HTT: variants seen among roughly 807,000 people sequenced by gnomAD.
HTT encodes the protein huntington disease protein.
HTT carries 104 observed loss-of-function variants against 362.3 expected under a neutral mutation model. That is an observed-to-expected ratio of 0.29 (90% CI 0.24 to 0.34). The LOEUF (loss-of-function observed/expected upper bound fraction) is 0.34, where lower values mean the gene tolerates loss of function less well. Among genes scored for constraint, HTT ranks in the 10% least tolerant of loss-of-function variants. The probability of loss-of-function intolerance (pLI) is 1.00; values close to 1 mark genes in which losing one functional copy is unlikely to be tolerated. For missense variants in HTT, 3,301 were observed against 3,928.6 expected, an observed-to-expected ratio of 0.84 and a Z score of 4.27; for synonymous variants, 1,577 against 1,548.7, an observed-to-expected ratio of 1.02 and a Z score of -0.43.
intron 21 of HTT, among the ~76,000 whole-genome samples, chr4:3,136,961 G>T (rs1716100833): frequency 6.8e-6 from 1 of 147,968 alleles, no homozygotes. Flanking sequence ...CTGCTCTATT[G>T]TCCAGGTGCT....
chr4:3,229,814 G>A, intron 59 of HTT, 73 bp from the exon 60 acceptor site: 6 of 1,488,714 alleles, frequency 4.0e-6, no homozygotes, highest in Non-Finnish European at 4.7e-6. Context: ...GCCAGTAGTA[G>A]CGTTCTGGAT....
intron 1 of HTT, 149 bp from the exon 2 acceptor site, chr4:3,086,790 G>C (rs1300395839): frequency 1.9e-6 from 1 of 538,000 alleles, no homozygotes; most frequent in East Asian, 3.0e-5. Flanking sequence ...GTGCTTCCCT[G>C]TCCAGATCCC....
rs765419397 is a variant in HTT, at chr4:3,217,936, C to T, written c.7226C>T (p.Thr2409Ile). Reference sequence around the variant, plus strand: ...CGCCTGCCCCTTGTCAACAGCTACACACGTGTGCCCCCACTGGTGAGTCTG... The same window carrying T: ...CGCCTGCCCCTTGTCAACAGCTACATACGTGTGCCCCCACTGGTGAGTCTG... Reference protein sequence around the residue: ...LARLPLVNSYTRVPPLVWKLG... With the variant: ...LARLPLVNSYIRVPPLVWKLG... Residue 2409 changes from threonine (T) to isoleucine (I), a missense_variant, in exon 52 of 67, where the codon ACA becomes ATA. Around this residue, in one of 4 missense-constraint regions of HTT, gnomAD observed 753 missense variants for 1,021.3 expected, o/e 0.74. Coordinates refer to ENST00000355072, the MANE Select transcript of HTT (RefSeq NM_001388492.1). 6.2e-7 allele frequency: 1 copy of T among 1,610,702 alleles called. No individual in the cohort carries two copies. Among genetic ancestry groups the T allele is most frequent in the Non-Finnish European group, 8.5e-7 (1 of 1,178,794 alleles).
rs143113398 is a variant in HTT at position 3,144,720 on chromosome 4, A to T, written c.3067-432A>T. Among the ~76,000 whole-genome samples, 3 of 152,358 alleles carry T rather than the reference A, an allele frequency of 2.0e-5. No individual in the cohort carries two copies. In the East Asian group the frequency reaches 5.8e-4, roughly 29 times the overall value. On this transcript the variant is annotated intron_variant, in intron 23 of 66. Transcript: ENST00000355072. ...GGTCTTCCCTTGATTTGTTCAAAAT[A>T]TCGTAAACTTTGCTTATTTATTTTT...
In HTT at chr4:3,093,094, T is replaced by G. The variant is rs373735183; in HGVS notation, c.347+6072T>G. Among the ~76,000 whole-genome samples the G allele has an allele frequency of 4.8e-4, 73 of 152,294 alleles. 1 individual carries two copies. In the South Asian group the frequency reaches 0.014, roughly 29 times the overall value. On this transcript the variant is annotated intron_variant, in intron 2 of 66. Transcript: ENST00000355072. ...AGCTGCAGAGGGAGCTCCGGAGACC[T>G]GCACCCTGCCCTCTCAGTACCCTGT...
At position 3,115,796 on chromosome 4, in the gene HTT, T is replaced by G. The variant is rs1317583482; in HGVS notation, c.890-289T>G. On this transcript the variant is annotated intron_variant, in intron 7 of 66. Transcript: ENST00000355072. ...TAGGTCAGTTGACAGTTTCTCCTGT[T>G]GTTTGGGTAACTGTGGAAACGAACA... Among the ~76,000 whole-genome samples the G allele has an allele frequency of 2.6e-5, 4 of 152,218 alleles. No homozygotes were observed. The East Asian group carries it at 7.7e-4, about 29-fold the overall frequency.
intron 25 of HTT, 24 bp from the exon 26 acceptor site, chr4:3,147,981 G>A: frequency 6.3e-7 from 1 of 1,584,350 alleles, no homozygotes; most frequent in Non-Finnish European, 8.6e-7. Context: ...GGGTGGAGAG[G>A]TAATGTCTGT....
chr4:3,201,653 ATG>A (rs1297008900), intron 41 of HTT, among the ~76,000 whole-genome samples: 2 of 152,134 alleles, frequency 1.3e-5, no homozygotes, highest in Non-Finnish European at 2.9e-5. Context: ...TGTAACAAGC[ATG>A]TGAGTGTCTA....
chr4:3,212,699 C>T lies in HTT; in HGVS notation c.6764C>T (p.Ala2255Val). Residue 2255 changes from alanine to valine, a missense_variant, in exon 49 of 67, where the codon GCA becomes GTA. By Grantham distance (64) the Ala-to-Val change is moderately conservative. This residue lies in a region of HTT where 220 missense variants were observed against 218.5 expected (regional missense o/e 1.01). Coordinates refer to ENST00000355072, the MANE Select transcript of HTT (RefSeq NM_001388492.1). ...AAGGACATTGTGAAATTCGTGGTGGCAACCCTTGAGGTAAGAGGCAGCTCG... is the reference window on the plus strand; with the variant it reads ...AAGGACATTGTGAAATTCGTGGTGGTAACCCTTGAGGTAAGAGGCAGCTCG... ...KEKDIVKFVV[A>V]TLEALSWHLI... 1.9e-6 allele frequency: 3 copies of T among 1,614,170 alleles called. No homozygotes were observed. In the South Asian group the frequency reaches 3.3e-5, roughly 18 times the overall value.
chr4:3,201,245 T>G (rs1023554908), intron 41 of HTT, among the ~76,000 whole-genome samples: 2 of 152,204 alleles, frequency 1.3e-5, no homozygotes, highest in Non-Finnish European at 2.9e-5. Flanking sequence ...ATTAATAGAT[T>G]AGGCTGGGCG....
intron 21 of HTT, among the ~76,000 whole-genome samples, chr4:3,137,801 C>T (rs1716140103): frequency 6.6e-6 from 1 of 152,136 alleles, no homozygotes; most frequent in Non-Finnish European, 1.5e-5. Context: ...GAGATTGGTT[C>T]TTGTTGTAGC....
chr4:3,084,845 C>G (rs182244073), intron 1 of HTT, among the ~76,000 whole-genome samples: 2 of 151,184 alleles, frequency 1.3e-5, no homozygotes, highest in East Asian at 4.0e-4. Flanking sequence ...AACCCCGTCT[C>G]TACTAAAAAA....
intron 41 of HTT, among the ~76,000 whole-genome samples, chr4:3,200,283 A>G (rs141176927): frequency 1.1e-3 from 166 of 152,322 alleles, no homozygotes; most frequent in African/African-American, 3.9e-3. Context: ...ACATGTTGCA[A>G]TGTCTTAACC....
At chr4:3,191,198 A>C (rs1718997878) in intron 40 of HTT, among the ~76,000 whole-genome samples, 2 of 147,856 alleles carry the variant, frequency 1.4e-5, no homozygotes, top group South Asian at 4.3e-4. Flanking sequence ...TTTGAGACAG[A>C]GTTTCACTCT....
Position 3,125,568 on chromosome 4 carries a change from A to T in HTT, c.1341A>T (p.Glu447Asp). 6.2e-7 allele frequency: 1 copy of T among 1,613,676 alleles called. No homozygotes were observed. Among genetic ancestry groups the T allele is most frequent in the Non-Finnish European group, 8.5e-7 (1 of 1,179,558 alleles). Reference protein sequence around the residue: ...RKQKGKVLLGEEEALEDDSES... With the variant: ...RKQKGKVLLGDEEALEDDSES... ...TACTAGGCAAAGTGCTCTTAGGAGA[A>T]GAAGAAGCCTTGGAGGATGACTCTG... is the stretch of plus-strand genomic sequence containing the variant. Residue 447 changes from glutamate to aspartate, a missense_variant, in exon 11 of 67, where the codon GAA becomes GAT. Glu to Asp is a conservative substitution (Grantham distance 45). This residue lies in a region of HTT where 2,316 missense variants were observed against 2,658.5 expected (regional missense o/e 0.87). Transcript: ENST00000355072.
In HTT at chr4:3,188,973, A is replaced by G. The variant is rs1718895610; in HGVS notation, c.5248A>G (p.Ile1750Val). ...FSRFLLQLVG[I>V]LLEDIVTKQL... ...AAGGTTTCTATTACAACTGGTTGGT[A>G]TTCTTTTAGAAGACATTGTTACAAA... The change falls in exon 40 of 67, where the codon ATT (isoleucine) becomes GTT (valine). Residue 1750 changes from isoleucine to valine, a missense_variant. This residue lies in a region of HTT where 2,316 missense variants were observed against 2,658.5 expected (regional missense o/e 0.87). Coordinates refer to ENST00000355072, the MANE Select transcript of HTT (RefSeq NM_001388492.1). 1.9e-6 allele frequency: 3 copies of G among 1,613,990 alleles called. No homozygotes were observed. The highest frequency in any genetic ancestry group is 1.1e-5 in the South Asian group (1 of 91,074).
intron 64 of HTT, among the ~76,000 whole-genome samples, chr4:3,236,602 A>C (rs978430943): frequency 3.9e-5 from 6 of 152,000 alleles, no homozygotes; most frequent in Non-Finnish European, 7.4e-5. Context: ...AGTGAGGAGG[A>C]GCTGGCTCAG....
chr4:3,111,005 AT>A (rs1225979440), intron 6 of HTT, among the ~76,000 whole-genome samples: 1 of 151,590 alleles, frequency 6.6e-6, no homozygotes, highest in Non-Finnish European at 1.5e-5. Context: ...ATTCATTGTT[AT>A]GTTTTTAACT....
intron 29 of HTT, among the ~76,000 whole-genome samples, chr4:3,164,110 A>G (rs1364424580): frequency 1.3e-5 from 2 of 152,084 alleles, no homozygotes; most frequent in Admixed American, 6.5e-5. Context: ...TGTCCCAGAG[A>G]TTCTGGTATG....
Sources: gnomAD v4.1 joint callset for allele counts (sites outside exome capture counted in the v4.1 genomes callset) on GRCh38, gnomAD v4.1.1 for gene constraint, gnomAD v4.1.1 regional missense constraint, MANE v1.5 for transcripts, NCBI Gene and HGNC (gene_info 2026-07-23, HGNC 2026-07-21) for gene names.